NFATC1: variants seen among roughly 807,000 people sequenced by gnomAD.
NFATC1 encodes the protein nuclear factor of activated T cells 1.
In NFATC1, 22 loss-of-function variants were observed where a neutral mutation model predicts 76.0. The ratio of observed to expected loss-of-function variants is 0.29; its 90% CI spans 0.21 to 0.41. NFATC1 has a LOEUF of 0.41. Among genes scored for constraint, NFATC1 ranks in the 10% least tolerant of loss-of-function variants. The probability of loss-of-function intolerance (pLI) is 1.00; values close to 1 mark genes in which losing one functional copy is unlikely to be tolerated. For synonymous variants in NFATC1, 704 were observed against 613.1 expected (o/e 1.15, Z -2.19); for missense variants, 1,357 against 1,337.7 (o/e 1.01, Z -0.23).
chr18:79,486,351 G>A lies in NFATC1; in HGVS notation c.2196G>A (p.Gln732=). 1 of 1,613,112 alleles carries A rather than the reference G, an allele frequency of 6.2e-7. No homozygotes were observed. Among genetic ancestry groups the A allele is most frequent in the Non-Finnish European group, 8.5e-7 (1 of 1,180,010 alleles). Residue 732 remains glutamine, a synonymous_variant, in exon 9 of 10, where the codon CAG becomes CAA. Transcript: ENST00000427363. ...LSPLPRPYYS[Q]QLAMPPDPSS... is the part of the protein sequence containing the mutation. ...CTCTCCCAAGACCATACTACAGCCA[G>A]CAGCTCGCGATGCCACCCGACCCCA...
intron 5 of NFATC1, 112 bp downstream of exon 5, chr18:79,451,238 C>T (rs1281364375): frequency 1.6e-6 from 2 of 1,257,888 alleles, no homozygotes; most frequent in Admixed American, 4.5e-5. Flanking sequence ...TGAACGGTTC[C>T]CACCAAACCC....
In NFATC1 at chr18:79,486,601, C is replaced by G. The variant is rs754321143; in HGVS notation, c.2446C>G (p.Gln816Glu). The part of the protein sequence containing the change: ...PVATHPGSPG[Q>E]PPPALLPQQV... ...GGCCACGCACCCCGGCTCGCCCGGGCAGCCACCCCCGGCCCTGCTGCCACA... is the reference window on the plus strand; with the variant it reads ...GGCCACGCACCCCGGCTCGCCCGGGGAGCCACCCCCGGCCCTGCTGCCACA... Residue 816 changes from glutamine to glutamate, a missense_variant, in exon 9 of 10, where the codon CAG becomes GAG. Physicochemically the swap from Gln to Glu is conservative, Grantham distance 29 (BLOSUM62 2). Around this residue, in one of 3 missense-constraint regions of NFATC1, gnomAD observed 424 missense variants for 395.4 expected, o/e 1.07. Transcript: ENST00000427363. The G allele has an allele frequency of 6.3e-7, 1 of 1,591,368 alleles. No homozygotes were observed. The highest frequency in any genetic ancestry group is 2.3e-5 in the East Asian group (1 of 44,342).
chr18:79,422,796 T>C (rs1304377267), intron 2 of NFATC1: 2 of 152,250 alleles, frequency 1.3e-5, no homozygotes, highest in African/African-American at 4.8e-5. Flanking sequence ...AGGTGCTTTC[T>C]CCCATCTGTA....
At chr18:79,490,755 C>G (rs2089654857) in intron 9 of NFATC1, among the ~76,000 whole-genome samples, 1 of 152,136 alleles carries the variant, frequency 6.6e-6, no homozygotes, top group Non-Finnish European at 1.5e-5. Flanking sequence ...GGAGCATCCA[C>G]CAACATGGCC....
intron 9 of NFATC1, among the ~76,000 whole-genome samples, chr18:79,495,701 G>T (rs2145114319): frequency 6.6e-6 from 1 of 152,420 alleles, no homozygotes; most frequent in South Asian, 2.1e-4. Context: ...CGTCTGGGCA[G>T]TGTGGGGCGT....
rs560965408 is a variant in NFATC1 at position 79,412,795 on chromosome 18, G to A, written c.1226+1294G>A. 6.6e-5 allele frequency among the ~76,000 whole-genome samples: 10 copies of A among 152,356 alleles called. No homozygotes were observed. The South Asian group carries it at 2.1e-3, about 32-fold the overall frequency. The stretch of plus-strand genomic sequence containing the variant: ...TGCCTTTCTACTGGCGTGATACTTA[G>A]AATCGTCGTCAGCTGAGGTTTCGAG... On this transcript the variant is annotated intron_variant, in intron 2 of 9. Transcript: ENST00000427363.
At chr18:79,482,183 T>C (rs1458605174) in intron 8 of NFATC1, among the ~76,000 whole-genome samples, 8 of 134,286 alleles carry the variant, frequency 6.0e-5, no homozygotes, top group East Asian at 2.5e-4. Flanking sequence ...TGGGGTGTAA[T>C]TCCAGCATGA....
chr18:79,432,717 C>A (rs944873092), intron 2 of NFATC1, among the ~76,000 whole-genome samples: 2 of 152,200 alleles, frequency 1.3e-5, no homozygotes, highest in African/African-American at 4.8e-5. Context: ...CCCCTAGATG[C>A]AAGAACCCCT....
Position 79,486,936 on chromosome 18 carries a change from CG to C in NFATC1, c.2782+1del, listed in dbSNP as rs760473217. On this transcript the variant is annotated frameshift_variant and splice_region_variant, in exon 9 of 10. Transcript: ENST00000427363. LOFTEE classifies it high-confidence loss of function. ...EELDQLYLDDVNEIIRNDLSS... is the reference protein window; with the variant it reads ...EELDQLYLDDXNEIIRNDLSS... ...AGTTGGACCAGTTGTACCTGGATGA[CG>C]GTGAGTGCCCGCAGCCATGCAGGTG... The C allele has an allele frequency of 1.1e-5, 18 of 1,588,702 alleles. No homozygotes were observed. The highest frequency in any genetic ancestry group is 1.5e-5 in the Non-Finnish European group (17 of 1,164,674).
intron 1 of NFATC1, among the ~76,000 whole-genome samples, chr18:79,401,829 C>G (rs2085269611): frequency 6.6e-6 from 1 of 152,224 alleles, no homozygotes; most frequent in Admixed American, 6.5e-5. Context: ...GCGTGAATCA[C>G]TGACTGTGGG....
At chr18:79,512,438 G>A (rs570549087) in intron 9 of NFATC1, among the ~76,000 whole-genome samples, 1 of 152,314 alleles carries the variant, frequency 6.6e-6, no homozygotes, top group South Asian at 2.1e-4. Context: ...GCTTTGCCTT[G>A]AATTTTTCTA....
chr18:79,491,053 A>G (rs2089663917), intron 9 of NFATC1, among the ~76,000 whole-genome samples: 1 of 151,998 alleles, frequency 6.6e-6, no homozygotes, highest in African/African-American at 2.4e-5. Flanking sequence ...AGACCCCAAC[A>G]AGCTCCATGG....
At chr18:79,409,515 GTCCATCCATCCATCATCCA>G (rs2085582347) in intron 1 of NFATC1, among the ~76,000 whole-genome samples, 1 of 149,070 alleles carries the variant, frequency 6.7e-6, no homozygotes, top group African/African-American at 2.5e-5. Flanking sequence ...CCGTTTAGCT[GTCCATCCATCCATCATCCA>G]TCCATTCATC....
At chr18:79,508,177 A>G (rs1437604508) in intron 9 of NFATC1, among the ~76,000 whole-genome samples, 1 of 151,794 alleles carries the variant, frequency 6.6e-6, no homozygotes, top group East Asian at 1.9e-4. Context: ...CTCCCAGTGC[A>G]GCTGAGTTAT....
Position 79,451,003 on chromosome 18 carries a change from C to T in NFATC1, c.1639C>T (p.Arg547Trp), listed in dbSNP as rs1337186033. 1 of 1,613,818 alleles carries T rather than the reference C, an allele frequency of 6.2e-7. No individual in the cohort carries two copies. The highest frequency in any genetic ancestry group is 8.5e-7 in the Non-Finnish European group (1 of 1,179,984). ...LKLRNSDIELRKGETDIGRKN... is the reference protein window; with the variant it reads ...LKLRNSDIELWKGETDIGRKN... Reference sequence around the variant, plus strand: ...ACTCAGAAACTCCGACATTGAACTTCGGAAAGGAGAGACGGACATCGGGAG... The same window carrying T: ...ACTCAGAAACTCCGACATTGAACTTTGGAAAGGAGAGACGGACATCGGGAG... Residue 547 changes from arginine to tryptophan, a missense_variant, in exon 5 of 10, where the codon CGG (arginine) becomes TGG (tryptophan). Physicochemically the swap from Arg to Trp is moderately radical, Grantham distance 101 (BLOSUM62 -3). Transcript: ENST00000427363.
chr18:79,520,964 T>TGTGG (rs2090532969), intron 9 of NFATC1, among the ~76,000 whole-genome samples: 2 of 78,074 alleles, frequency 2.6e-5, no homozygotes, highest in African/African-American at 5.3e-5. Flanking sequence ...TGTCTGTGTG[T>TGTGG]GGGGGGGCAT....
chr18:79,469,542 C>T, intron 8 of NFATC1: 2 of 985,880 alleles, frequency 2.0e-6, no homozygotes, highest in Non-Finnish European at 2.4e-6. Flanking sequence ...GTCCTACCAG[C>T]CACACTCCTG....
chr18:79,452,057 C>T, intron 6 of NFATC1: 1 of 430,076 alleles, frequency 2.3e-6, no homozygotes, highest in South Asian at 4.3e-5. Flanking sequence ...GCCGGGGCCA[C>T]TGCACTCACA....
chr18:79,500,578 A>G (rs1345047414), intron 9 of NFATC1, among the ~76,000 whole-genome samples: 2 of 152,192 alleles, frequency 1.3e-5, no homozygotes, highest in African/African-American at 4.8e-5. Flanking sequence ...AGAAAAATCA[A>G]TAAAACCAAA....
Sources: allele counts gnomAD v4.1 joint callset (sites outside exome capture counted in the v4.1 genomes callset), GRCh38; gene constraint gnomAD v4.1.1; regional missense constraint gnomAD v4.1.1; transcripts MANE v1.5; gene names NCBI Gene and HGNC (gene_info 2026-07-23, HGNC 2026-07-21).